Variants in DPP6 observed in about 807,000 individuals in gnomAD.
DPP6 encodes the protein dipeptidyl peptidase like 6.
A neutral mutation model predicts 122.6 loss-of-function variants in DPP6; 69 were observed. The ratio of observed to expected loss-of-function variants is 0.56; its 90% CI spans 0.46 to 0.69. The LOEUF is 0.69. DPP6 is among the 30% of genes least tolerant of loss of function. The pLI is 0.00. For missense variants in DPP6, 928 were observed against 1,116.9 expected, an observed-to-expected ratio of 0.83 and a Z score of 2.41; for synonymous variants, 418 against 433.1, an observed-to-expected ratio of 0.97 and a Z score of 0.43.
intron 17 of DPP6, among the ~76,000 whole-genome samples, chr7:154,855,887 G>T (rs980386946): frequency 1.3e-5 from 2 of 152,112 alleles, no homozygotes; most frequent in African/African-American, 4.8e-5. Flanking sequence ...AGAGTCCATG[G>T]ACACCTTTCT....
intron 2 of DPP6, among the ~76,000 whole-genome samples, chr7:154,451,415 C>G (rs552479737): frequency 1.3e-5 from 2 of 151,646 alleles, no homozygotes; most frequent in African/African-American, 4.8e-5. Flanking sequence ...CTTCTTACAC[C>G]GAAATGTCCA....
At chr7:153,838,112 A>G in the DPP6 span, among the ~76,000 whole-genome samples, 2 of 152,104 alleles carry the variant, frequency 1.3e-5, no homozygotes, top group African/African-American at 4.8e-5. Context: ...AAAATTTCTC[A>G]AGATGGTAGG....
intron 6 of DPP6, among the ~76,000 whole-genome samples, chr7:154,650,623 G>A (rs78248739): frequency 0.019 from 2,937 of 152,256 alleles, 89 homozygotes; most frequent in African/African-American, 0.067. Context: ...TGATTGAGTC[G>A]AGCTGTCTGG....
intron 3 of DPP6, among the ~76,000 whole-genome samples, chr7:154,516,759 G>T (rs952127169): frequency 6.6e-6 from 1 of 152,092 alleles, no homozygotes; most frequent in Non-Finnish European, 1.5e-5. Flanking sequence ...GAAATCAAAT[G>T]GTCAAACTTA....
chr7:154,893,468 A>AAAAAAC lies in DPP6; in HGVS notation c.*993_*994insCAAAAA, dbSNP rs1563338646. On this transcript the variant is annotated 3_prime_UTR_variant, in exon 26 of 26. Transcript: ENST00000377770. ...CATTTGGTTTAAAAAAAAAAAAAAAAAAAAAAAAAAAACAGAAAAAAGACA... is the reference window on the plus strand; with the variant it reads ...CATTTGGTTTAAAAAAAAAAAAAAAAAAAAACAAAAAAAAAAAACAGAAAAAAGACA... 2.3e-5 allele frequency: 3 copies of AAAAAAC among 128,424 alleles called. No homozygotes were observed. Among genetic ancestry groups the AAAAAAC allele is most frequent in the Non-Finnish European group, 3.7e-5 (2 of 53,952 alleles). 8.0% of individuals were successfully genotyped at this position (128,424 alleles called of 1,614,324 possible). A position where few individuals can be genotyped will look rare whatever the true frequency, so the allele number is the denominator to read the frequency against.
intron 1 of DPP6, among the ~76,000 whole-genome samples, chr7:154,123,890 C>G (rs1429870503): frequency 6.7e-6 from 1 of 149,848 alleles, no homozygotes; most frequent in South Asian, 2.2e-4. Flanking sequence ...ACAGATGTGC[C>G]ACCCGCTCAC....
the DPP6 span, among the ~76,000 whole-genome samples, chr7:153,818,540 A>G: frequency 1.3e-5 from 2 of 152,206 alleles, no homozygotes; most frequent in Non-Finnish European, 2.9e-5. Flanking sequence ...TGAATTAACA[A>G]CACAAAATTA....
intron 3 of DPP6, among the ~76,000 whole-genome samples, chr7:154,506,796 A>C (rs1023809161): frequency 1.1e-4 from 16 of 152,244 alleles, no homozygotes; most frequent in African/African-American, 3.9e-4. Flanking sequence ...CCCACCTTTT[A>C]GAAGCTGCTT....
chr7:154,818,379 C>T (rs944300686), intron 16 of DPP6, among the ~76,000 whole-genome samples: 1 of 152,136 alleles, frequency 6.6e-6, no homozygotes, highest in Non-Finnish European at 1.5e-5. Context: ...GATTCACACC[C>T]CTTCAGAGTG....
At chr7:153,895,053 A>C (rs962702891) in intron 1 of DPP6, among the ~76,000 whole-genome samples, 4 of 152,204 alleles carry the variant, frequency 2.6e-5, no homozygotes, top group African/African-American at 9.6e-5. Flanking sequence ...TGTGTTTTTA[A>C]GTTTTCTAAC....
chr7:154,573,154 C>G (rs887303613), intron 5 of DPP6, among the ~76,000 whole-genome samples: 2 of 152,182 alleles, frequency 1.3e-5, no homozygotes, highest in Admixed American at 1.3e-4. Context: ...TCTTTCTGCA[C>G]TGTCTACAGA....
chr7:154,795,826 T>C lies in DPP6; in HGVS notation c.1261-19T>C, dbSNP rs764405174. On this transcript the variant is annotated intron_variant, in intron 11 of 25. Coordinates refer to ENST00000377770, the MANE Select transcript of DPP6 (RefSeq NM_130797.4). ...AGAAAAGAAAAACCCTCTTGTCTAA[T>C]GCTCTCATTTCATTTCAGAAACACG... The C allele has an allele frequency of 1.2e-6, 2 of 1,604,798 alleles. No homozygotes were observed. Among genetic ancestry groups the C allele is most frequent in the South Asian group, 1.1e-5 (1 of 89,326 alleles).
intron 5 of DPP6, among the ~76,000 whole-genome samples, chr7:154,621,691 A>G (rs192124855): frequency 5.7e-4 from 86 of 152,196 alleles, no homozygotes; most frequent in Admixed American, 9.8e-4. Flanking sequence ...TTTTAATTCT[A>G]GGCCGTAATT....
At chr7:154,495,538 C>T (rs147750268) in intron 3 of DPP6, among the ~76,000 whole-genome samples, 8,434 of 151,928 alleles carry the variant, frequency 0.056, 768 homozygotes, top group African/African-American at 0.19. Flanking sequence ...TACAGGCATG[C>T]GCCACCATGC....
At chr7:154,415,780 AG>A (rs763777967) in intron 1 of DPP6, among the ~76,000 whole-genome samples, 55 of 150,410 alleles carry the variant, frequency 3.7e-4, no homozygotes, top group Non-Finnish European at 6.9e-4. Flanking sequence ...AGTACTGGAA[AG>A]CTGAGTCATT....
intron 1 of DPP6, among the ~76,000 whole-genome samples, chr7:153,979,557 C>T (rs1796475376): frequency 6.6e-6 from 1 of 152,146 alleles, no homozygotes. Flanking sequence ...GCCTGATTGC[C>T]CTGGCAAGAA....
At chr7:154,032,731 G>A (rs1051843140) in intron 1 of DPP6, among the ~76,000 whole-genome samples, 3 of 152,092 alleles carry the variant, frequency 2.0e-5, no homozygotes, top group South Asian at 4.2e-4. Context: ...TGTTCTAGGA[G>A]TTCATTTTTT....
Position 154,104,063 on chromosome 7 carries a change from A to G in DPP6, c.243+51000A>G, listed in dbSNP as rs542886881. On this transcript the variant is annotated intron_variant, in intron 1 of 25. Transcript: ENST00000377770. ...TCCGTTTCATATACACATACATCCC[A>G]CAGATCTGTCCCTCTGGAGATTCCT... 4.6e-5 allele frequency among the ~76,000 whole-genome samples: 7 copies of G among 152,212 alleles called. No individual in the cohort carries two copies. In the South Asian group the frequency reaches 1.5e-3, roughly 32 times the overall value.
chr7:154,670,385 C>T (rs1394305682), intron 7 of DPP6, among the ~76,000 whole-genome samples: 1 of 152,208 alleles, frequency 6.6e-6, no homozygotes, highest in African/African-American at 2.4e-5. Context: ...GGCTCCCACC[C>T]TGGTTCTCAC....
Sources: allele counts gnomAD v4.1 joint callset (sites outside exome capture counted in the v4.1 genomes callset), GRCh38; gene constraint gnomAD v4.1.1; transcripts MANE v1.5; gene names NCBI Gene and HGNC (gene_info 2026-07-23, HGNC 2026-07-21).